QTMAN: variants seen among roughly 807,000 people sequenced by gnomAD.
QTMAN encodes the protein queuosine-tRNA mannosyltransferase.
chr2:144,083,883 T>G, the QTMAN span, among the ~76,000 whole-genome samples: 103 of 152,286 alleles, frequency 6.8e-4, no homozygotes, highest in South Asian at 4.6e-3. Context: ...TTCAAACAAT[T>G]TTAAAACACA....
the QTMAN span, among the ~76,000 whole-genome samples, chr2:144,139,161 T>C: frequency 6.6e-6 from 1 of 152,090 alleles, no homozygotes; most frequent in African/African-American, 2.4e-5. Context: ...AAAGGATTGT[T>C]TGACTCAAGG....
At chr2:144,230,136 C>T in the QTMAN span, 1 of 151,930 alleles carries the variant, frequency 6.6e-6, no homozygotes, top group Non-Finnish European at 1.5e-5. Flanking sequence ...ATATGAAGTC[C>T]GTTTTCTCAG....
At chr2:144,297,568 G>A in the QTMAN span, among the ~76,000 whole-genome samples, 1 of 149,884 alleles carries the variant, frequency 6.7e-6, no homozygotes, top group African/African-American at 2.5e-5. Context: ...TTTGGGAGCA[G>A]GATTCCGTCT....
chr2:143,962,927 A>G, the QTMAN span, among the ~76,000 whole-genome samples: 5 of 152,298 alleles, frequency 3.3e-5, no homozygotes, highest in African/African-American at 1.2e-4. Flanking sequence ...GGCTAGTCTT[A>G]GTTACAAGTC....
the QTMAN span, among the ~76,000 whole-genome samples, chr2:144,301,069 T>A: frequency 6.6e-6 from 1 of 152,188 alleles, no homozygotes. Context: ...CCAATTGCAA[T>A]GCCAATGTTT....
At chr2:144,258,247 G>T in the QTMAN span, among the ~76,000 whole-genome samples, 1 of 146,124 alleles carries the variant, frequency 6.8e-6, no homozygotes, top group African/African-American at 2.5e-5. Context: ...ACAAAAAACA[G>T]CAGAACAAAT....
the QTMAN span, among the ~76,000 whole-genome samples, chr2:143,989,435 T>G: frequency 6.6e-6 from 1 of 152,044 alleles, no homozygotes; most frequent in South Asian, 2.1e-4. Flanking sequence ...ACATACAGGG[T>G]AAGTCCCCTT....
chr2:144,249,673 C>A, the QTMAN span, among the ~76,000 whole-genome samples: 1 of 152,120 alleles, frequency 6.6e-6, no homozygotes, highest in East Asian at 1.9e-4. Context: ...CAAAAGGATA[C>A]CTTGCTTTAC....
chr2:144,272,697 T>C, the QTMAN span, among the ~76,000 whole-genome samples: 10 of 152,140 alleles, frequency 6.6e-5, no homozygotes, highest in Non-Finnish European at 1.3e-4. Context: ...TTGAGGCAAA[T>C]GGAAATCTAC....
chr2:143,991,839 C>G, the QTMAN span, among the ~76,000 whole-genome samples: 47 of 149,376 alleles, frequency 3.1e-4, 1 homozygote, highest in East Asian at 8.1e-3. Context: ...AGGGGCACCT[C>G]TGCCCGGCCG....
chr2:144,246,921 A>G, the QTMAN span, among the ~76,000 whole-genome samples: 13 of 152,262 alleles, frequency 8.5e-5, no homozygotes, highest in African/African-American at 2.9e-4. Context: ...ACAATGGAAC[A>G]TAAGCATTTC....
At chr2:143,970,649 G>C in the QTMAN span, 2 of 1,471,180 alleles carry the variant, frequency 1.4e-6, no homozygotes, top group Non-Finnish European at 1.9e-6. Context: ...TTCAACAGAG[G>C]TACCTGGGAC....
chr2:143,942,374 T>C, the QTMAN span: 2 of 167,224 alleles, frequency 1.2e-5, no homozygotes, highest in Non-Finnish European at 1.5e-5. Context: ...ATCCCACAGA[T>C]ACCCGGGAGA....
the QTMAN span, chr2:143,944,823 A>C: frequency 6.6e-6 from 1 of 152,224 alleles, no homozygotes; most frequent in Non-Finnish European, 1.5e-5. Flanking sequence ...GTGTAGAAAA[A>C]AATGCCCACA....
the QTMAN span, among the ~76,000 whole-genome samples, chr2:144,231,803 A>G: frequency 5.8e-4 from 88 of 151,988 alleles, no homozygotes; most frequent in Non-Finnish European, 4.9e-4. Context: ...ATAGTGGTTA[A>G]TATGCAATAA....
the QTMAN span, among the ~76,000 whole-genome samples, chr2:144,015,601 T>C: frequency 1.2e-3 from 184 of 152,350 alleles, no homozygotes; most frequent in Middle Eastern, 0.014. Context: ...GCACTCATCA[T>C]ATTTTGTGCT....
the QTMAN span, among the ~76,000 whole-genome samples, chr2:144,024,650 C>T: frequency 1.3e-5 from 2 of 152,206 alleles, no homozygotes; most frequent in African/African-American, 4.8e-5. Flanking sequence ...TAAAGAGTGA[C>T]TGTCACATCA....
At chr2:144,046,181 A>G in the QTMAN span, among the ~76,000 whole-genome samples, 1 of 152,232 alleles carries the variant, frequency 6.6e-6, no homozygotes, top group African/African-American at 2.4e-5. Context: ...TTTAAGACTC[A>G]GGATGAATAG....
chr2:144,164,984 A>T, the QTMAN span, among the ~76,000 whole-genome samples: 1 of 152,152 alleles, frequency 6.6e-6, no homozygotes, highest in Non-Finnish European at 1.5e-5. Flanking sequence ...GCTACAATTA[A>T]ATTTTTTGGA....
Sources: allele counts gnomAD v4.1 joint callset (sites outside exome capture counted in the v4.1 genomes callset), GRCh38; gene constraint gnomAD v4.1.1; transcripts MANE v1.5; gene names NCBI Gene and HGNC (gene_info 2026-07-23, HGNC 2026-07-21).